The following HTATSF1 variants were observed in gnomAD, a reference collection of about 807,000 sequenced individuals.
HTATSF1 encodes 17S U2 SnRNP complex component HTATSF1.
A neutral mutation model predicts 46.1 loss-of-function variants in HTATSF1; 6 were observed. The observed-to-expected ratio is 0.13, with a 90% CI of 0.07 to 0.26. The LOEUF (loss-of-function observed/expected upper bound fraction) is 0.26. HTATSF1 is among the 10% of genes least tolerant of loss of function. The probability of loss-of-function intolerance (pLI) is 1.00; values close to 1 mark genes in which losing one functional copy is unlikely to be tolerated. For missense variants in HTATSF1, 452 were observed against 559.9 expected, an observed-to-expected ratio of 0.81 and a Z score of 1.94; for synonymous variants, 226 against 211.5, an observed-to-expected ratio of 1.07 and a Z score of -0.60.
Position 136,506,685 on chromosome X carries a change from G to A in HTATSF1, c.834+2222G>A, listed in dbSNP as rs993442773. Among the ~76,000 whole-genome samples, 10 of 112,596 alleles carry A rather than the reference G, an allele frequency of 8.9e-5. No individual in the cohort carries two copies. The South Asian group carries it at 1.1e-3, about 12-fold the overall frequency. ...AGGATGGTGGGACATTGTCTTGGCCGTGGCGGAATTAGTTCACAAAGAAAT... is the reference window on the plus strand; with the variant it reads ...AGGATGGTGGGACATTGTCTTGGCCATGGCGGAATTAGTTCACAAAGAAAT... On this transcript the variant is annotated intron_variant, in intron 6 of 8. Coordinates refer to ENST00000218364, the MANE Select transcript of HTATSF1 (RefSeq NM_014500.5).
At chrX:136,504,843 T>C (rs191120881) in intron 6 of HTATSF1, among the ~76,000 whole-genome samples, 108 of 112,119 alleles carry the variant, frequency 9.6e-4, no homozygotes, top group African/African-American at 3.5e-3. Context: ...CAATTGTAAA[T>C]GCAAACTTCA....
At chrX:136,507,685 T>C (rs182845607) in intron 6 of HTATSF1, among the ~76,000 whole-genome samples, 1 of 111,930 alleles carries the variant, frequency 8.9e-6, no homozygotes, top group African/African-American at 3.2e-5. Context: ...ACAGTTTTTT[T>C]TTTGTTTTTG....
chrX:136,512,083 A>C lies in HTATSF1; in HGVS notation c.*70A>C, dbSNP rs763939938. 9.5e-7 allele frequency: 1 copy of C among 1,054,594 alleles called. No homozygotes were observed. The highest frequency in any genetic ancestry group is 1.3e-6 in the Non-Finnish European group (1 of 784,167). The allele number at this position is 1,054,594 out of a possible 1,213,427, so 86.9% of individuals were successfully genotyped here. ...CCTGTGCTTCAGGGTAATTACTAGT[A>C]GTGTTACATGAACATGTGCATAGTG... On this transcript the variant is annotated 3_prime_UTR_variant, in exon 9 of 9. Coordinates refer to ENST00000218364, the MANE Select transcript of HTATSF1 (RefSeq NM_014500.5).
intron 4 of HTATSF1, among the ~76,000 whole-genome samples, 197 bp downstream of exon 4, chrX:136,501,015 A>G (rs964063741): frequency 8.9e-6 from 1 of 112,625 alleles, no homozygotes; most frequent in South Asian, 3.6e-4. Flanking sequence ...GTTATCAGGT[A>G]AAAGTATTAT....
chrX:136,509,292 A>G, intron 7 of HTATSF1, 112 bp downstream of exon 7: 6 of 507,042 alleles, frequency 1.2e-5, no homozygotes, highest in Non-Finnish European at 2.1e-5. Flanking sequence ...TTTATATAGT[A>G]GTCCACTATC....
intron 6 of HTATSF1, among the ~76,000 whole-genome samples, chrX:136,507,236 A>G (rs1014065128): frequency 3.6e-5 from 4 of 111,974 alleles, no homozygotes; most frequent in Non-Finnish European, 7.5e-5. Flanking sequence ...GTGGAGGGGT[A>G]TATTTTGATT....
At chrX:136,509,002 T>C (rs2075755507) in intron 6 of HTATSF1, 89 bp from the exon 7 acceptor site, 4 of 657,940 alleles carry the variant, frequency 6.1e-6, no homozygotes, top group Non-Finnish European at 9.8e-6. Flanking sequence ...CTTTTTCTGT[T>C]TGTTGATTTA....
chrX:136,499,006 C>T (rs1001320408), intron 1 of HTATSF1, among the ~76,000 whole-genome samples: 1 of 112,977 alleles, frequency 8.9e-6, no homozygotes, highest in Non-Finnish European at 1.9e-5. Flanking sequence ...TTAATTTGTT[C>T]TGATACTAAA....
At position 136,502,948 on chromosome X, in the gene HTATSF1, A is replaced by G. The variant is rs758377557; in HGVS notation, c.734+7A>G. On this transcript the variant is annotated splice_region_variant and intron_variant, in intron 5 of 8. Coordinates refer to ENST00000218364, the MANE Select transcript of HTATSF1 (RefSeq NM_014500.5). ...AGCTGTCTATGCAACAAAAGTTTGT[A>G]ATTTTTTTCCCTTTTGAAAGGTTCC... 9.1e-7 allele frequency: 1 copy of G among 1,093,005 alleles called. No individual in the cohort carries two copies. 90.1% of individuals were successfully genotyped at this position (1,093,005 alleles called of 1,213,427 possible). A position where few individuals can be genotyped will look rare whatever the true frequency, so the allele number is the denominator to read the frequency against.
chrX:136,505,496 G>A (rs2075737882), intron 6 of HTATSF1, among the ~76,000 whole-genome samples: 1 of 112,179 alleles, frequency 8.9e-6, no homozygotes, highest in Non-Finnish European at 1.9e-5. Flanking sequence ...TAGAAATCTG[G>A]AAGAATTTTG....
Sources: gnomAD v4.1 joint callset for allele counts (sites outside exome capture counted in the v4.1 genomes callset) on GRCh38, gnomAD v4.1.1 for gene constraint, MANE v1.5 for transcripts, NCBI Gene and HGNC (gene_info 2026-07-23, HGNC 2026-07-21) for gene names.